The following MSANTD5 variants were observed in gnomAD, a reference collection of about 807,000 sequenced individuals.
MSANTD5 encodes the protein Myb/SANT DNA binding domain containing 5.
chr5:178,693,545 A>T (rs1189355244), downstream of MSANTD5, among the ~76,000 whole-genome samples: 1 of 151,974 alleles, frequency 6.6e-6, no homozygotes. Context: ...ATAGCTCTTA[A>T]AGGTGGTGCA....
the MSANTD5 span, among the ~76,000 whole-genome samples, chr5:178,706,584 A>C: frequency 2.0e-5 from 3 of 151,766 alleles, no homozygotes; most frequent in Non-Finnish European, 4.4e-5. Context: ...ATTCCAATCT[A>C]CTGGAATCCT....
exon 1 of MSANTD5, chr5:178,697,644 G>A (rs1765433618): frequency 6.6e-6 from 1 of 152,106 alleles, no homozygotes; most frequent in African/African-American, 2.4e-5. Context: ...TGCAGGGTCT[G>A]GTCAGTTCCT....
At chr5:178,701,858 C>T (rs928523365), upstream of MSANTD5, among the ~76,000 whole-genome samples, 5 of 150,282 alleles carry the variant, frequency 3.3e-5, no homozygotes, top group Admixed American at 6.6e-5. Flanking sequence ...CTCAGCCTCC[C>T]GAGTAGCTGG....
At chr5:178,693,756 G>T (rs145750186), downstream of MSANTD5, among the ~76,000 whole-genome samples, 25 of 152,006 alleles carry the variant, frequency 1.6e-4, 1 homozygote, top group East Asian at 4.4e-3. Flanking sequence ...ATAGAATGCT[G>T]ATTGGTGCAT....
chr5:178,705,557 C>T, the MSANTD5 span, among the ~76,000 whole-genome samples: 2 of 152,162 alleles, frequency 1.3e-5, no homozygotes, highest in Non-Finnish European at 1.5e-5. Flanking sequence ...TTCAGGGCAG[C>T]GCCTAATCCA....
chr5:178,703,539 G>A, the MSANTD5 span, among the ~76,000 whole-genome samples: 1 of 152,158 alleles, frequency 6.6e-6, no homozygotes, highest in Non-Finnish European at 1.5e-5. Flanking sequence ...AGAGAAGAGA[G>A]GTTGATTAAT....
At chr5:178,700,009 G>A (rs970777621), upstream of MSANTD5, among the ~76,000 whole-genome samples, 6 of 152,076 alleles carry the variant, frequency 3.9e-5, no homozygotes, top group Admixed American at 2.6e-4. Flanking sequence ...CTGTTTGTCC[G>A]GGCTCCAGGC....
At chr5:178,701,033 G>T (rs565383621), upstream of MSANTD5, among the ~76,000 whole-genome samples, 2 of 152,312 alleles carry the variant, frequency 1.3e-5, no homozygotes, top group African/African-American at 4.8e-5. Context: ...GAGTGCAGTG[G>T]CGCGATCTCG....
At chr5:178,700,919 C>T (rs574722894), upstream of MSANTD5, among the ~76,000 whole-genome samples, 1 of 152,304 alleles carries the variant, frequency 6.6e-6, no homozygotes, top group African/African-American at 2.4e-5. Context: ...ATGGTTTTCA[C>T]ACATTTTCAG....
intron 1 of MSANTD5, among the ~76,000 whole-genome samples, chr5:178,697,266 A>C (rs1006271985): frequency 8.6e-5 from 13 of 151,068 alleles, no homozygotes; most frequent in African/African-American, 3.2e-4. Context: ...CATCCTGGCT[A>C]ACACGGTGAA....
At chr5:178,704,660 C>G in the MSANTD5 span, among the ~76,000 whole-genome samples, 2 of 152,206 alleles carry the variant, frequency 1.3e-5, no homozygotes, top group Admixed American at 1.3e-4. Flanking sequence ...ATTTGGGGAG[C>G]AAGTCAGAAA....
At chr5:178,707,395 C>T in the MSANTD5 span, among the ~76,000 whole-genome samples, 1 of 151,830 alleles carries the variant, frequency 6.6e-6, no homozygotes, top group African/African-American at 2.4e-5. Flanking sequence ...CAGCCTACTT[C>T]AGGCTTTGCT....
the MSANTD5 span, among the ~76,000 whole-genome samples, chr5:178,703,055 C>T: frequency 2.6e-5 from 4 of 152,212 alleles, no homozygotes; most frequent in African/African-American, 7.2e-5. Context: ...AGAGAGCACC[C>T]GAGAGAACAG....
chr5:178,703,970 G>C, the MSANTD5 span, among the ~76,000 whole-genome samples: 1 of 140,048 alleles, frequency 7.1e-6, no homozygotes, highest in Non-Finnish European at 1.5e-5. Context: ...GACAGAGCAA[G>C]ACTCCGTCTC....
upstream of MSANTD5, among the ~76,000 whole-genome samples, chr5:178,701,359 T>C (rs557977700): frequency 6.6e-6 from 1 of 152,110 alleles, no homozygotes; most frequent in African/African-American, 2.4e-5. Flanking sequence ...AATTAATATA[T>C]GATTAATTTT....
the MSANTD5 span, among the ~76,000 whole-genome samples, chr5:178,705,342 G>A: frequency 6.6e-6 from 1 of 151,906 alleles, no homozygotes; most frequent in African/African-American, 2.4e-5. Flanking sequence ...CACCACGCCC[G>A]GCCTAAGACC....
At chr5:178,705,823 G>C in the MSANTD5 span, among the ~76,000 whole-genome samples, 3 of 152,102 alleles carry the variant, frequency 2.0e-5, no homozygotes, top group African/African-American at 4.8e-5. Flanking sequence ...TGGGCGTGGT[G>C]GTGGGCGCCT....
At chr5:178,706,880 A>C in the MSANTD5 span, 1 of 152,178 alleles carries the variant, frequency 6.6e-6, no homozygotes, top group African/African-American at 2.4e-5. Flanking sequence ...CTATGGACCC[A>C]GAAGTTCCAC....
chr5:178,695,444 G>T (rs186462852), exon 3 of MSANTD5: 1 of 152,270 alleles, frequency 6.6e-6, no homozygotes, highest in Non-Finnish European at 1.5e-5. Context: ...ATTCCTTCCA[G>T]CTCTTGTTGA....
Sources: gnomAD v4.1 joint callset for allele counts (sites outside exome capture counted in the v4.1 genomes callset) on GRCh38, gnomAD v4.1.1 for gene constraint, MANE v1.5 for transcripts, NCBI Gene and HGNC (gene_info 2026-07-23, HGNC 2026-07-21) for gene names.